Variants in KCNH5 observed in about 807,000 individuals in gnomAD.
KCNH5 encodes the protein potassium voltage-gated channel subfamily H member 5.
In KCNH5, 46 loss-of-function variants were observed where a neutral mutation model predicts 96.1. That is an observed-to-expected ratio of 0.48 (90% CI 0.38 to 0.61). The LOEUF (loss-of-function observed/expected upper bound fraction) is 0.61, where lower values mean the gene tolerates loss of function less well. Ranked by LOEUF, KCNH5 falls within the 20% of genes least tolerant of loss-of-function variation. KCNH5 has a pLI of 0.00. For missense variants in KCNH5, 907 were observed against 1,225.8 expected, an observed-to-expected ratio of 0.74 and a Z score of 3.88; for synonymous variants, 439 against 449.8, an observed-to-expected ratio of 0.98 and a Z score of 0.30.
intron 10 of KCNH5, among the ~76,000 whole-genome samples, chr14:62,771,857 G>A (rs1885994490): frequency 6.6e-6 from 1 of 152,082 alleles, no homozygotes; most frequent in African/African-American, 2.4e-5. Context: ...CAGAGTCATG[G>A]AGTGAAAAGA....
At chr14:62,854,925 G>A (rs1322478960) in intron 7 of KCNH5, among the ~76,000 whole-genome samples, 1 of 149,516 alleles carries the variant, frequency 6.7e-6, no homozygotes, top group Admixed American at 6.6e-5. Context: ...CTTCCATTGA[G>A]AGGCAAGGTC....
chr14:62,861,618 T>TC (rs1258858469), intron 7 of KCNH5, among the ~76,000 whole-genome samples: 2 of 144,650 alleles, frequency 1.4e-5, no homozygotes, highest in East Asian at 2.0e-4. Flanking sequence ...AAGGCACATT[T>TC]CCCCCCACCA....
chr14:62,924,031 C>T (rs371223317), intron 7 of KCNH5, among the ~76,000 whole-genome samples: 22 of 151,894 alleles, frequency 1.4e-4, no homozygotes, highest in African/African-American at 4.8e-4. Flanking sequence ...AATGAAAAGG[C>T]GACCTACAGA....
intron 6 of KCNH5, among the ~76,000 whole-genome samples, chr14:62,978,840 G>A (rs777063685): frequency 1.1e-4 from 16 of 152,094 alleles, no homozygotes; most frequent in Non-Finnish European, 2.1e-4. Context: ...ACGTTTTAAA[G>A]TATGTATGCA....
Position 62,965,078 on chromosome 14 carries a change from T to G in KCNH5, c.943-14519A>C, listed in dbSNP as rs181725314. Reference sequence around the variant, plus strand: ...TAATAAAGGAGTACCTCAATATATATATAGAGAGAGAGAGGTGAATAGATG... The same window carrying G: ...TAATAAAGGAGTACCTCAATATATAGATAGAGAGAGAGAGGTGAATAGATG... On this transcript the variant is annotated intron_variant, in intron 6 of 10. Coordinates refer to ENST00000322893, the MANE Select transcript of KCNH5 (RefSeq NM_139318.5). Among the ~76,000 whole-genome samples, 454 of 152,204 alleles carry G rather than the reference T, an allele frequency of 3.0e-3. 1 individual carries two copies. Among genetic ancestry groups the G allele is most frequent in the African/African-American group, 0.01 (429 of 41,548 alleles).
intron 7 of KCNH5, among the ~76,000 whole-genome samples, chr14:62,913,226 T>C (rs1889205130): frequency 6.6e-6 from 1 of 152,098 alleles, no homozygotes; most frequent in African/African-American, 2.4e-5. Flanking sequence ...ATGTGTTAAA[T>C]GTGAAACTTT....
chr14:62,847,338 C>T lies in KCNH5; in HGVS notation c.1569+2315G>A, dbSNP rs116946079. Among the ~76,000 whole-genome samples the T allele has an allele frequency of 9.5e-3, 1,451 of 151,946 alleles. 4 individuals are homozygous for T. The highest frequency in any genetic ancestry group is 0.016 in the Non-Finnish European group (1,061 of 67,926). ...TAAGAATCATTTTTAAATTCAGTCT[C>T]TTTGATGATGCAATACTAGAAATCC... On this transcript the variant is annotated intron_variant, in intron 8 of 10. Transcript: ENST00000322893.
chr14:62,963,745 A>C (rs1890255641), intron 6 of KCNH5, among the ~76,000 whole-genome samples: 1 of 152,176 alleles, frequency 6.6e-6, no homozygotes, highest in South Asian at 2.1e-4. Flanking sequence ...ACACCCAGTA[A>C]CAATGTGTAA....
intron 8 of KCNH5, among the ~76,000 whole-genome samples, chr14:62,841,459 C>T (rs1397487012): frequency 6.6e-6 from 1 of 152,172 alleles, no homozygotes; most frequent in African/African-American, 2.4e-5. Context: ...ACACTGTCTG[C>T]AGCATGTGGA....
intron 8 of KCNH5, among the ~76,000 whole-genome samples, chr14:62,839,944 T>C (rs1338058881): frequency 6.6e-6 from 1 of 152,194 alleles, no homozygotes; most frequent in African/African-American, 2.4e-5. Flanking sequence ...GTCTCTCCTT[T>C]TTTAAAATCT....
rs1316235946 is a variant in KCNH5 at position 62,700,227 on chromosome 14, G to A, written c.*7281C>T. On this transcript the variant is annotated 3_prime_UTR_variant, in exon 11 of 11. Coordinates refer to ENST00000322893, the MANE Select transcript of KCNH5 (RefSeq NM_139318.5). ...ACATTTTGTGTTGTTTGAGTACCAA[G>A]CACTTCTAAAAGTCATTGCTCTTTC... 6.6e-6 allele frequency: 1 copy of A among 152,166 alleles called. No homozygotes were observed. The highest frequency in any genetic ancestry group is 2.4e-5 in the African/African-American group (1 of 41,434). The allele number at this position is 152,166 out of a possible 1,614,324, so 9.4% of individuals were successfully genotyped here.
intron 10 of KCNH5, among the ~76,000 whole-genome samples, chr14:62,721,368 G>A (rs8022157): frequency 0.42 from 64,283 of 151,972 alleles, 14,120 homozygotes; most frequent in Non-Finnish European, 0.49. Flanking sequence ...GTAAGCTTCT[G>A]ATCTATTTAC....
chr14:62,777,744 G>A lies in KCNH5; in HGVS notation c.2019+1984C>T, dbSNP rs1404762596. Among the ~76,000 whole-genome samples the A allele has an allele frequency of 2.0e-5, 3 of 152,148 alleles. No individual in the cohort carries two copies. In the East Asian group the frequency reaches 5.8e-4, roughly 29 times the overall value. ...GACAGGCACAGCGTTTCTGGGTCCT[G>A]TTGAAAAACCAACAACAGTTTTCTG... On this transcript the variant is annotated intron_variant, in intron 10 of 10. Transcript: ENST00000322893.
At chr14:62,997,183 C>A (rs920031446) in intron 4 of KCNH5, among the ~76,000 whole-genome samples, 17 of 152,060 alleles carry the variant, frequency 1.1e-4, no homozygotes, top group African/African-American at 3.4e-4. Context: ...GCGTTAAAAA[C>A]AATCCAATTA....
rs188522350 is a variant in KCNH5 at position 63,009,988 on chromosome 14, G to A, written c.198-3516C>T. On this transcript the variant is annotated intron_variant, in intron 2 of 10. Transcript: ENST00000322893. ...AAATATCCTCAAGGAATATGTAACG[G>A]AAATATTTTTAAAATCACAAAACTT... 6.4e-3 allele frequency among the ~76,000 whole-genome samples: 980 copies of A among 152,268 alleles called. 9 individuals are homozygous for A. The highest frequency in any genetic ancestry group is 0.023 in the African/African-American group (940 of 41,560).
intron 8 of KCNH5, among the ~76,000 whole-genome samples, chr14:62,842,002 A>G (rs2140037981): frequency 6.6e-6 from 1 of 152,330 alleles, no homozygotes; most frequent in Admixed American, 6.5e-5. Flanking sequence ...AATGAAATAT[A>G]AATTAGCCCA....
At chr14:62,723,022 T>C (rs1443538566) in intron 10 of KCNH5, among the ~76,000 whole-genome samples, 1 of 152,190 alleles carries the variant, frequency 6.6e-6, no homozygotes, top group Non-Finnish European at 1.5e-5. Context: ...TTGAGACTAT[T>C]CCATTGTCCC....
chr14:62,812,121 A>C (rs1294640682), intron 8 of KCNH5, among the ~76,000 whole-genome samples: 1 of 152,192 alleles, frequency 6.6e-6, no homozygotes, highest in East Asian at 1.9e-4. Context: ...TCCTTCGTGA[A>C]GCTCAACCAG....
rs949507282 is a variant in KCNH5, at chr14:62,970,286, C to T, written c.942+10586G>A. 4.6e-5 allele frequency among the ~76,000 whole-genome samples: 7 copies of T among 151,718 alleles called. No individual in the cohort carries two copies. The South Asian group carries it at 6.3e-4, about 14-fold the overall frequency. Reference sequence around the variant, plus strand: ...AAAGACACATCTGCTAAGACCCACACAAGAAAAAAAATAATCTGAATAGAA... The same window carrying T: ...AAAGACACATCTGCTAAGACCCACATAAGAAAAAAAATAATCTGAATAGAA... On this transcript the variant is annotated intron_variant, in intron 6 of 10. Transcript: ENST00000322893.
Sources: gnomAD v4.1 joint callset for allele counts (sites outside exome capture counted in the v4.1 genomes callset) on GRCh38, gnomAD v4.1.1 for gene constraint, MANE v1.5 for transcripts, NCBI Gene and HGNC (gene_info 2026-07-23, HGNC 2026-07-21) for gene names.